Variants in NTM observed in about 807,000 individuals in gnomAD.
NTM encodes IgLON family member 2.
NTM carries 13 observed loss-of-function variants against 42.1 expected under a neutral mutation model. That is an observed-to-expected ratio of 0.31 (90% confidence interval 0.20 to 0.49). NTM has a LOEUF of 0.49. Ranked by LOEUF, NTM falls within the 20% of genes least tolerant of loss-of-function variation. The pLI is 0.99. For missense variants in NTM, 373 were observed against 452.8 expected (o/e 0.82, Z 1.60); for synonymous variants, 187 against 179.2 (o/e 1.04, Z -0.35).
chr11:131,756,464 C>T (rs2083347602), intron 1 of NTM, among the ~76,000 whole-genome samples: 1 of 150,740 alleles, frequency 6.6e-6, no homozygotes, highest in African/African-American at 2.4e-5. Flanking sequence ...ACGGAGGTTG[C>T]AGTGAGCCGA....
At chr11:131,486,536 T>G (rs318988) in intron 1 of NTM, among the ~76,000 whole-genome samples, 135,069 of 152,180 alleles carry the variant, frequency 0.89, 60,419 homozygotes, top group East Asian at 1. Context: ...TATGAACCCT[T>G]TGGAGCCTGG....
chr11:131,574,496 G>A (rs985456511), intron 1 of NTM, among the ~76,000 whole-genome samples: 1 of 152,080 alleles, frequency 6.6e-6, no homozygotes, highest in Non-Finnish European at 1.5e-5. Flanking sequence ...CCAGGCCTAA[G>A]GTATCCCCAC....
intron 5 of NTM, among the ~76,000 whole-genome samples, chr11:132,308,569 A>G (rs1003180123): frequency 1.3e-5 from 2 of 152,076 alleles, no homozygotes; most frequent in African/African-American, 4.8e-5. Context: ...TCTGCTGTGC[A>G]CATTCCAGGA....
chr11:132,043,476 A>G (rs1401121244), intron 2 of NTM, among the ~76,000 whole-genome samples: 1 of 152,198 alleles, frequency 6.6e-6, no homozygotes, highest in Non-Finnish European at 1.5e-5. Context: ...GTCACTGTAC[A>G]ATTATTGAAG....
chr11:131,414,539 G>C (rs567375928), intron 1 of NTM, among the ~76,000 whole-genome samples: 1 of 152,136 alleles, frequency 6.6e-6, no homozygotes, highest in Non-Finnish European at 1.5e-5. Flanking sequence ...AGGAGCATTC[G>C]GGAGTGAATG....
At chr11:131,538,921 CTTTTT>C (rs58463755) in intron 1 of NTM, among the ~76,000 whole-genome samples, 1 of 102,390 alleles carries the variant, frequency 9.8e-6, no homozygotes, top group Non-Finnish European at 1.9e-5. Flanking sequence ...GTTAACTTAG[CTTTTT>C]TTTTTTTTTT....
At chr11:131,539,818 T>G (rs1056980182) in intron 1 of NTM, among the ~76,000 whole-genome samples, 22 of 152,300 alleles carry the variant, frequency 1.4e-4, no homozygotes, top group African/African-American at 4.8e-4. Flanking sequence ...TTGAACTCTA[T>G]CTGAGCTACT....
chr11:131,799,747 G>A (rs1175988046), intron 1 of NTM, among the ~76,000 whole-genome samples: 1 of 152,162 alleles, frequency 6.6e-6, no homozygotes, highest in African/African-American at 2.4e-5. Context: ...TATAAGAAGG[G>A]AGCAACATGA....
At chr11:131,586,256 G>C (rs1484187145) in intron 1 of NTM, among the ~76,000 whole-genome samples, 1 of 152,078 alleles carries the variant, frequency 6.6e-6, no homozygotes, top group Non-Finnish European at 1.5e-5. Flanking sequence ...CAGGCATGCA[G>C]AGACAAAGTC....
intron 1 of NTM, among the ~76,000 whole-genome samples, chr11:131,647,347 G>C (rs2065892106): frequency 6.6e-6 from 1 of 152,208 alleles, no homozygotes; most frequent in African/African-American, 2.4e-5. Context: ...TGATTAAAGA[G>C]TGCCAGGCAT....
chr11:132,192,897 G>C (rs2079542781), intron 3 of NTM, among the ~76,000 whole-genome samples: 1 of 152,032 alleles, frequency 6.6e-6, no homozygotes, highest in African/African-American at 2.4e-5. Context: ...TGGTCAAAAA[G>C]GACAAAGAGA....
chr11:131,924,379 C>G (rs1455121127), intron 2 of NTM, among the ~76,000 whole-genome samples: 1 of 152,144 alleles, frequency 6.6e-6, no homozygotes, highest in Non-Finnish European at 1.5e-5. Flanking sequence ...GAATACTGCT[C>G]TGTTTCGTTC....
chr11:132,314,075 G>T (rs12791587), intron 6 of NTM, among the ~76,000 whole-genome samples: 1 of 151,882 alleles, frequency 6.6e-6, no homozygotes, highest in Non-Finnish European at 1.5e-5. Flanking sequence ...GGAGAAATTA[G>T]ATTACCAGGT....
At chr11:131,886,851 C>T (rs1228469670) in intron 1 of NTM, among the ~76,000 whole-genome samples, 1 of 152,232 alleles carries the variant, frequency 6.6e-6, no homozygotes, top group Middle Eastern at 3.2e-3. Context: ...CTTTATCTGT[C>T]CCGCTGGGAT....
intron 2 of NTM, among the ~76,000 whole-genome samples, chr11:131,915,055 A>C (rs950136424): frequency 6.6e-6 from 1 of 152,232 alleles, no homozygotes; most frequent in Admixed American, 6.5e-5. Flanking sequence ...TAAGATACAT[A>C]GTACTATCAT....
intron 2 of NTM, among the ~76,000 whole-genome samples, chr11:132,137,473 A>G (rs2068169999): frequency 6.6e-6 from 1 of 152,236 alleles, no homozygotes; most frequent in Non-Finnish European, 1.5e-5. Context: ...TCTTCAGGAT[A>G]AAATGCAGAC....
intron 1 of NTM, among the ~76,000 whole-genome samples, chr11:131,476,878 A>G (rs1303180363): frequency 6.6e-6 from 1 of 151,868 alleles, no homozygotes; most frequent in Non-Finnish European, 1.5e-5. Flanking sequence ...GATGACGTCC[A>G]GCCTTCACCA....
intron 2 of NTM, among the ~76,000 whole-genome samples, chr11:131,930,838 A>C (rs1403433364): frequency 1.3e-5 from 2 of 152,248 alleles, no homozygotes; most frequent in African/African-American, 4.8e-5. Context: ...TGCATTTTCT[A>C]ATAATTTAAA....
At position 131,370,884 on chromosome 11, in the gene NTM, C is replaced by G. The variant is rs1941063694; in HGVS notation, c.78C>G (p.Phe26Leu). ...IFTGLAALCL[F>L]QGVPVRSGDA... ...CGGGGCTGGCTGCTCTGTGTCTCTTCCAAGGTAAGAGCTTGCTATTGATTT... is the reference window on the plus strand; with the variant it reads ...CGGGGCTGGCTGCTCTGTGTCTCTTGCAAGGTAAGAGCTTGCTATTGATTT... The change falls in exon 1 of 9, where the codon TTC becomes TTG. Residue 26 changes from phenylalanine to leucine, a missense_variant. Around this residue, in one of 3 missense-constraint regions of NTM, gnomAD observed 29 missense variants for 30.4 expected, o/e 0.95. Transcript: ENST00000683400. 3.7e-6 allele frequency: 6 copies of G among 1,613,946 alleles called. No homozygotes were observed. The highest frequency in any genetic ancestry group is 4.2e-6 in the Non-Finnish European group (5 of 1,179,864).
Sources: gnomAD v4.1 joint callset for allele counts (sites outside exome capture counted in the v4.1 genomes callset) on GRCh38, gnomAD v4.1.1 for gene constraint, gnomAD v4.1.1 regional missense constraint, MANE v1.5 for transcripts, NCBI Gene and HGNC (gene_info 2026-07-23, HGNC 2026-07-21) for gene names.